The following ASAP2 variants were observed in gnomAD, a reference collection of about 807,000 sequenced individuals.
ASAP2 encodes arf-GAP with SH3 domain, ANK repeat and PH domain-containing protein 2.
A neutral mutation model predicts 131.4 loss-of-function variants in ASAP2; 45 were observed. The ratio of observed to expected loss-of-function variants is 0.34; its 90% confidence interval spans 0.27 to 0.44. ASAP2 has a LOEUF of 0.44. Ranked by LOEUF, ASAP2 falls within the 20% of genes least tolerant of loss-of-function variation. The pLI is 1.00. For synonymous variants in ASAP2, 510 were observed against 503.0 expected, an observed-to-expected ratio of 1.01 and a Z score of -0.19; for missense variants, 1,011 against 1,297.0, an observed-to-expected ratio of 0.78 and a Z score of 3.39.
rs1309155957 is a variant in ASAP2, at chr2:9,207,000, A to AGCGGCG, written c.-99_-94dup. On this transcript the variant is annotated 5_prime_UTR_variant, in exon 1 of 28. Transcript: ENST00000281419. This position sits in a 1 kb window ranked among gnomAD's most constrained non-coding sequence, Gnocchi z 4.0. ...GCGCTCCCCTTTGTCCGCGGGCCGG[A>AGCGGCG]GCGGCGGCGGCAGCGGCGGTGTCCG... The AGCGGCG allele has an allele frequency of 1.9e-6, 2 of 1,034,882 alleles. No individual in the cohort carries two copies. Among genetic ancestry groups the AGCGGCG allele is most frequent in the African/African-American group, 1.7e-5 (1 of 57,674 alleles). The allele number at this position is 1,034,882 out of a possible 1,614,324, so 64.1% of individuals were successfully genotyped here.
At chr2:9,286,445 A>ATATATATATATATATAT (rs199918521) in intron 2 of ASAP2, among the ~76,000 whole-genome samples, 3 of 98,562 alleles carry the variant, frequency 3.0e-5, no homozygotes, top group African/African-American at 1.1e-4. Context: ...AGGAAAAAAA[A>ATATATATATATATATAT]AAATATATAT....
Position 9,317,217 on chromosome 2 carries a change from ACT to A in ASAP2, c.346-1305_346-1304del, listed in dbSNP as rs756900862. Among the ~76,000 whole-genome samples the A allele has an allele frequency of 9.0e-4, 64 of 71,088 alleles. 2 individuals carry two copies. The highest frequency in any genetic ancestry group is 0.013 in the Middle Eastern group (2 of 156). The allele number at this position is 71,088 out of a possible 152,430, so 46.6% of individuals were successfully genotyped here. ...CGCAATCACACCCACTCACATCCAC[ACT>A]CACACAATCACACAACCACACTCAT... On this transcript the variant is annotated intron_variant, in intron 3 of 27. Coordinates refer to ENST00000281419, the MANE Select transcript of ASAP2 (RefSeq NM_003887.3).
At chr2:9,277,129 C>G (rs1666810095) in intron 1 of ASAP2, among the ~76,000 whole-genome samples, 1 of 152,172 alleles carries the variant, frequency 6.6e-6, no homozygotes, top group Non-Finnish European at 1.5e-5. Flanking sequence ...AAGAATGGCC[C>G]CTCTCCTGGG....
At position 9,254,220 on chromosome 2, in the gene ASAP2, A is replaced by AT. The variant is rs1443219185; in HGVS notation, c.127-25097_127-25096insT. Among the ~76,000 whole-genome samples, 73 of 78,786 alleles carry AT rather than the reference A, an allele frequency of 9.3e-4. 1 individual carries two copies. Among genetic ancestry groups the AT allele is most frequent in the Non-Finnish European group, 1.4e-3 (58 of 41,176 alleles). The allele number at this position is 78,786 out of a possible 152,430, so 51.7% of individuals were successfully genotyped here. ...AGGGAGACTGTCTCAAAAAAAAAAAAAAAAAAAAAAAAAAAAATATATATA... is the reference window on the plus strand; with the variant it reads ...AGGGAGACTGTCTCAAAAAAAAAAAATAAAAAAAAAAAAAAAAATATATATA... On this transcript the variant is annotated intron_variant, in intron 1 of 27. Coordinates refer to ENST00000281419, the MANE Select transcript of ASAP2 (RefSeq NM_003887.3).
chr2:9,267,758 C>T (rs1036163321), intron 1 of ASAP2, among the ~76,000 whole-genome samples: 5 of 151,784 alleles, frequency 3.3e-5, no homozygotes, highest in African/African-American at 9.7e-5. Flanking sequence ...ATTAGCTGGG[C>T]GTAGTAGTGC....
At chr2:9,260,082 A>G (rs1052980357) in intron 1 of ASAP2, among the ~76,000 whole-genome samples, 16 of 152,182 alleles carry the variant, frequency 1.1e-4, no homozygotes, top group African/African-American at 3.6e-4. Flanking sequence ...TGGCTCTGCT[A>G]TGGAGGTGGG....
chr2:9,299,543 A>G (rs1011758251), intron 3 of ASAP2, among the ~76,000 whole-genome samples: 1 of 152,186 alleles, frequency 6.6e-6, no homozygotes, highest in African/African-American at 2.4e-5. Flanking sequence ...AGAAATTGAG[A>G]GTCAGGAAAC....
chr2:9,292,267 G>A (rs750349706), intron 2 of ASAP2, among the ~76,000 whole-genome samples: 3 of 152,072 alleles, frequency 2.0e-5, no homozygotes, highest in African/African-American at 4.8e-5. Context: ...TAGGCTGGGC[G>A]TGGTGGCTTT....
At chr2:9,388,097 C>T (rs4560084) in intron 21 of ASAP2, among the ~76,000 whole-genome samples, 197 bp from the exon 22 acceptor site, 9,747 of 152,212 alleles carry the variant, frequency 0.064, 411 homozygotes, top group Middle Eastern at 0.13. Flanking sequence ...GTTTCCTTCA[C>T]GAGACACAAG....
chr2:9,395,200 C>T lies in ASAP2; in HGVS notation c.2684+1553C>T, dbSNP rs141195207. 1.9e-3 allele frequency among the ~76,000 whole-genome samples: 282 copies of T among 152,284 alleles called. 2 individuals are homozygous for T. Among genetic ancestry groups the T allele is most frequent in the African/African-American group, 6.4e-3 (267 of 41,546 alleles). On this transcript the variant is annotated intron_variant, in intron 24 of 27. Transcript: ENST00000281419. ...TCAATAAAGAATTTGGGGCCAGGCG[C>T]CATGGCTCACGCCTGTAATCCCAGT...
intron 2 of ASAP2, among the ~76,000 whole-genome samples, chr2:9,296,029 G>C (rs1029131572): frequency 3.9e-5 from 6 of 152,196 alleles, no homozygotes; most frequent in African/African-American, 1.2e-4. Context: ...CCCCGAGAAG[G>C]AATTCGGGAG....
At chr2:9,340,883 T>C (rs1285001512) in intron 9 of ASAP2, among the ~76,000 whole-genome samples, 3 of 152,212 alleles carry the variant, frequency 2.0e-5, no homozygotes, top group Non-Finnish European at 4.4e-5. Flanking sequence ...CTCTGAGAAC[T>C]TGTCTGGGTG....
chr2:9,270,997 G>T (rs1238967178), intron 1 of ASAP2, among the ~76,000 whole-genome samples: 2 of 151,514 alleles, frequency 1.3e-5, no homozygotes, highest in African/African-American at 4.8e-5. Context: ...GTTTCACCGT[G>T]TTAGCCAGGA....
intron 3 of ASAP2, among the ~76,000 whole-genome samples, chr2:9,310,286 G>A (rs1356707126): frequency 6.6e-6 from 1 of 152,200 alleles, no homozygotes; most frequent in Non-Finnish European, 1.5e-5. Context: ...ATTCAAATAA[G>A]TGACATGATG....
intron 2 of ASAP2, among the ~76,000 whole-genome samples, chr2:9,288,215 G>C (rs1363762249): frequency 6.6e-6 from 1 of 152,156 alleles, no homozygotes; most frequent in Non-Finnish European, 1.5e-5. Context: ...AAAAAGCTCA[G>C]ACCTTGAGCT....
chr2:9,267,164 A>T (rs1365201767), intron 1 of ASAP2, among the ~76,000 whole-genome samples: 1 of 152,162 alleles, frequency 6.6e-6, no homozygotes, highest in African/African-American at 2.4e-5. Flanking sequence ...CTTTTATTTT[A>T]GATCGGGGGG....
At chr2:9,375,639 T>G (rs964426196) in intron 17 of ASAP2, among the ~76,000 whole-genome samples, 16 of 152,224 alleles carry the variant, frequency 1.1e-4, no homozygotes, top group Non-Finnish European at 2.1e-4. Flanking sequence ...GCAGGATTTA[T>G]TCTCCTTGTC....
At chr2:9,344,708 T>A in intron 10 of ASAP2, 23 bp from the exon 11 acceptor site, 1 of 1,613,806 alleles carries the variant, frequency 6.2e-7, no homozygotes, top group Non-Finnish European at 8.5e-7. Context: ...AAACTCTTAT[T>A]GTTTCTCCCA....
Position 9,388,460 on chromosome 2 carries a change from T to C in ASAP2, c.2297T>C (p.Leu766Pro). ...TTGCAGAATGAGACTTACGGAGCCC[T>C]CCTGAGTGGCAGCCCACCTCCCGCC... ...SILQNETYGA[L>P]LSGSPPPAQP... The change falls in exon 22 of 28, where the codon CTC becomes CCC. Residue 766 changes from leucine (L) to proline (P), a missense_variant. Leu to Pro is a moderately conservative substitution (Grantham distance 98). Coordinates refer to ENST00000281419, the MANE Select transcript of ASAP2 (RefSeq NM_003887.3). The C allele has an allele frequency of 1.2e-6, 2 of 1,614,086 alleles. No individual in the cohort carries two copies. Among genetic ancestry groups the C allele is most frequent in the Non-Finnish European group, 1.7e-6 (2 of 1,179,988 alleles).
Sources: allele counts gnomAD v4.1 joint callset (sites outside exome capture counted in the v4.1 genomes callset), GRCh38; gene constraint gnomAD v4.1.1; non-coding constraint Gnocchi (gnomAD v3.1); transcripts MANE v1.5; gene names NCBI Gene and HGNC (gene_info 2026-07-23, HGNC 2026-07-21).